The following NRTN variants were observed in gnomAD, a reference collection of about 807,000 sequenced individuals.
NRTN encodes prepro-neurturin.
NRTN carries 3 observed loss-of-function variants against 7.5 expected under a neutral mutation model. The ratio of observed to expected loss-of-function variants is 0.40; its 90% CI spans 0.18 to 1.03. The LOEUF is 1.03. Ranked by LOEUF, NRTN falls within the 50% of genes least tolerant of loss-of-function variation. The probability of loss-of-function intolerance (pLI) is 0.34; values close to 1 mark genes in which losing one functional copy is unlikely to be tolerated. For missense variants in NRTN, 310 were observed against 307.0 expected (o/e 1.01, Z -0.07); for synonymous variants, 157 against 146.6 (o/e 1.07, Z -0.51).
At chr19:5,825,975 T>A (rs541189538) in intron 2 of NRTN, among the ~76,000 whole-genome samples, 6 of 151,730 alleles carry the variant, frequency 4.0e-5, no homozygotes, top group Admixed American at 1.3e-4. Flanking sequence ...TCTACTAAAA[T>A]TACAAAAAAA....
intron 1 of NRTN, among the ~76,000 whole-genome samples, chr19:5,811,900 C>T (rs1315639753): frequency 1.3e-5 from 2 of 149,884 alleles, no homozygotes; most frequent in African/African-American, 2.5e-5. Flanking sequence ...AGACAGAGTT[C>T]GCTCTGTTGC....
chr19:5,827,653 A>G, intron 2 of NRTN, 96 bp from the exon 3 acceptor site: 2 of 489,472 alleles, frequency 4.1e-6, no homozygotes, highest in African/African-American at 2.2e-5. Context: ...CGTCCCAGCA[A>G]GGGTCTTCGT....
intron 1 of NRTN, among the ~76,000 whole-genome samples, chr19:5,817,876 T>A (rs1380938441): frequency 6.6e-6 from 1 of 152,206 alleles, no homozygotes; most frequent in Non-Finnish European, 1.5e-5. Flanking sequence ...CTCAGCTCAC[T>A]GCAACCTCTG....
At chr19:5,823,180 G>A (rs2144766148) in intron 1 of NRTN, among the ~76,000 whole-genome samples, 1 of 152,318 alleles carries the variant, frequency 6.6e-6, no homozygotes, top group South Asian at 2.1e-4. Context: ...ACTTTGGGAG[G>A]CCAAGGTGGG....
chr19:5,814,666 G>A (rs962019297), intron 1 of NRTN, among the ~76,000 whole-genome samples: 4 of 152,304 alleles, frequency 2.6e-5, no homozygotes, highest in Admixed American at 6.5e-5. Context: ...CCCTTGCGCT[G>A]GCTGTCTGTT....
chr19:5,806,865 A>G lies in NRTN; in HGVS notation c.-399+1414A>G, dbSNP rs1033951403. 6.6e-6 allele frequency among the ~76,000 whole-genome samples: 1 copy of G among 152,162 alleles called. No homozygotes were observed. Among genetic ancestry groups the G allele is most frequent in the Non-Finnish European group, 1.5e-5 (1 of 68,022 alleles). On this transcript the variant is annotated intron_variant, in intron 1 of 2. Transcript: ENST00000303212. The surrounding 1 kb of genome is among the most constrained non-coding windows in gnomAD (Gnocchi z 5.4). The stretch of plus-strand genomic sequence containing the variant: ...TCAAGAGCTGGGCAGAAGGGACTCA[A>G]AAAGTTTGCAGCCGGGCACAACACA...
intron 2 of NRTN, among the ~76,000 whole-genome samples, chr19:5,826,830 C>T (rs969621587): frequency 6.6e-6 from 1 of 152,124 alleles, no homozygotes; most frequent in Non-Finnish European, 1.5e-5. Context: ...CACCTCCTGG[C>T]GAGTGTGGGA....
intron 1 of NRTN, among the ~76,000 whole-genome samples, chr19:5,819,107 G>C (rs912676429): frequency 6.6e-6 from 1 of 152,192 alleles, no homozygotes; most frequent in Non-Finnish European, 1.5e-5. Flanking sequence ...AGAGAGGTCC[G>C]GGGCCCGGGT....
At chr19:5,813,262 C>T (rs1444982608) in intron 1 of NRTN, among the ~76,000 whole-genome samples, 2 of 150,892 alleles carry the variant, frequency 1.3e-5, no homozygotes, top group African/African-American at 4.9e-5. Context: ...AGGCTGGGCA[C>T]AGTGGTTCAT....
rs759546021 is a variant in NRTN at position 5,828,058 on chromosome 19, G to A, written c.479G>A (p.Arg160His). The A allele has an allele frequency of 1.5e-4, 210 of 1,432,184 alleles. 1 individual carries two copies. The highest frequency in any genetic ancestry group is 4.8e-4 in the Middle Eastern group (2 of 4,198). The allele number at this position is 1,432,184 out of a possible 1,614,324, so 88.7% of individuals were successfully genotyped here. A position where few individuals can be genotyped will look rare whatever the true frequency, so the allele number is the denominator to read the frequency against. The change falls in exon 3 of 3, where the codon CGC becomes CAC. Residue 160 changes from arginine to histidine, a missense_variant. Physicochemically the swap from Arg to His is conservative, Grantham distance 29. Transcript: ENST00000303212. ...CGGCGCCTGCGGCGGGAGCGGGTGC[G>A]CGCGCAGCCCTGCTGCCGCCCGACG... The part of the protein sequence containing the change: ...QRRRLRRERV[R>H]AQPCCRPTAY...
At chr19:5,815,496 A>T (rs1167666881) in intron 1 of NRTN, among the ~76,000 whole-genome samples, 1 of 142,888 alleles carries the variant, frequency 7.0e-6, no homozygotes, top group African/African-American at 2.7e-5. Context: ...CAGTGGCGCG[A>T]TCTCGGCTCA....
At chr19:5,805,545 C>A (rs2056972698) in intron 1 of NRTN, among the ~76,000 whole-genome samples, 94 bp downstream of exon 1, 1 of 151,910 alleles carries the variant, frequency 6.6e-6, no homozygotes. Context: ...GCTGAGGACT[C>A]CGAGTAGACC....
intron 1 of NRTN, among the ~76,000 whole-genome samples, chr19:5,808,795 A>G (rs905070130): frequency 2.2e-5 from 3 of 134,750 alleles, no homozygotes; most frequent in Admixed American, 8.2e-5. Flanking sequence ...TCGCTCTGTC[A>G]CCCAGGTTGG....
At chr19:5,823,033 GAAA>G (rs1432751046) in intron 1 of NRTN, among the ~76,000 whole-genome samples, 9 of 133,990 alleles carry the variant, frequency 6.7e-5, no homozygotes, top group African/African-American at 2.5e-4. Flanking sequence ...CAAAAAAAAA[GAAA>G]GAGAGAGAGA....
chr19:5,824,339 G>T lies in NRTN; in HGVS notation c.169+5G>T. 1 of 1,597,348 alleles carries T rather than the reference G, an allele frequency of 6.3e-7. No homozygotes were observed. Among genetic ancestry groups the T allele is most frequent in the Admixed American group, 1.7e-5 (1 of 57,502 alleles). On this transcript the variant is annotated splice_donor_5th_base_variant and intron_variant, in intron 2 of 2. Transcript: ENST00000303212. ...GGATTGCCCGCCTGGCCCAGTGTAA[G>T]CTCCTCCTCTGTGTGGGGTCAGATA...
At chr19:5,823,711 ACTGCCAC>A (rs1357523871) in intron 1 of NRTN, 50 bp from the exon 2 acceptor site, 4 of 299,456 alleles carry the variant, frequency 1.3e-5, no homozygotes, top group Non-Finnish European at 2.6e-5. Flanking sequence ...TTTGTCCCAC[ACTGCCAC>A]CTGCCGGGAA....
rs1489619184 is a variant in NRTN, at chr19:5,805,075, C to T, written c.-775C>T. Reference sequence around the variant, plus strand: ...TCCGCGGCGGGACGGGCGGAGGCGGCGGGAGAGCGCGCCCTGAAGCCGCTC... The same window carrying T: ...TCCGCGGCGGGACGGGCGGAGGCGGTGGGAGAGCGCGCCCTGAAGCCGCTC... On this transcript the variant is annotated 5_prime_UTR_variant, in exon 1 of 3. Transcript: ENST00000303212. 1.4e-5 allele frequency among the ~76,000 whole-genome samples: 2 copies of T among 146,608 alleles called. No homozygotes were observed. Among genetic ancestry groups the T allele is most frequent in the East Asian group, 4.0e-4 (2 of 5,040 alleles).
chr19:5,818,340 AGTGT>A (rs903164328), intron 1 of NRTN, among the ~76,000 whole-genome samples: 3 of 151,926 alleles, frequency 2.0e-5, no homozygotes, highest in Middle Eastern at 3.4e-3. Flanking sequence ...GTGTGTGGGC[AGTGT>A]GTGAGTGTGT....
chr19:5,825,603 C>T (rs999535908), intron 2 of NRTN, among the ~76,000 whole-genome samples: 3 of 152,362 alleles, frequency 2.0e-5, no homozygotes, highest in East Asian at 1.9e-4. Flanking sequence ...AAATCCAGTG[C>T]TCCAGGACTT....
Sources: gnomAD v4.1 joint callset for allele counts (sites outside exome capture counted in the v4.1 genomes callset) on GRCh38, gnomAD v4.1.1 for gene constraint, Gnocchi (gnomAD v3.1) non-coding constraint, MANE v1.5 for transcripts, NCBI Gene and HGNC (gene_info 2026-07-23, HGNC 2026-07-21) for gene names.